Variants in MYO3B observed in about 807,000 individuals in gnomAD.
MYO3B encodes myosin IIIB, also known as myosin-IIIb.
Under a neutral mutation model 174.6 loss-of-function variants are expected in MYO3B, and 156 were observed. The ratio of observed to expected loss-of-function variants is 0.89; its 90% CI spans 0.78 to 1.02. The LOEUF is 1.02. Ranked by LOEUF, MYO3B falls within the 50% of genes least tolerant of loss-of-function variation. MYO3B has a pLI of 0.00. For missense variants in MYO3B, 1,632 were observed against 1,639.4 expected, an observed-to-expected ratio of 1.00 and a Z score of 0.08; for synonymous variants, 563 against 569.1, an observed-to-expected ratio of 0.99 and a Z score of 0.15.
intron 23 of MYO3B, among the ~76,000 whole-genome samples, chr2:170,445,589 C>T (rs2094835447): frequency 6.6e-6 from 1 of 152,130 alleles, no homozygotes; most frequent in Non-Finnish European, 1.5e-5. Context: ...GATCCGCCCA[C>T]CTGGGCCTCC....
At chr2:170,623,538 A>G (rs1421290064) in intron 32 of MYO3B, among the ~76,000 whole-genome samples, 1 of 152,078 alleles carries the variant, frequency 6.6e-6, no homozygotes, top group Non-Finnish European at 1.5e-5. Context: ...GTTCACTCTG[A>G]TGGTAGTTTC....
At chr2:170,500,871 G>C (rs2106082082) in intron 27 of MYO3B, among the ~76,000 whole-genome samples, 1 of 151,322 alleles carries the variant, frequency 6.6e-6, no homozygotes, top group South Asian at 2.2e-4. Context: ...GCCCTGCCTA[G>C]TCAGTGCCTC....
In MYO3B at chr2:170,608,572, A is replaced by T. The variant is rs74455498; in HGVS notation, c.3734-43056A>T. On this transcript the variant is annotated intron_variant, in intron 32 of 34. Coordinates refer to ENST00000408978, the MANE Select transcript of MYO3B (RefSeq NM_138995.5). ...GTTACCGTTTACATGTCCTTTGCAT[A>T]GATGTGCTCAGAACAACATCACCCA... Among the ~76,000 whole-genome samples, 1,036 of 152,120 alleles carry T rather than the reference A, an allele frequency of 6.8e-3. 20 individuals carry two copies. Among genetic ancestry groups the T allele is most frequent in the African/African-American group, 0.023 (970 of 41,456 alleles).
chr2:170,216,015 G>A (rs1429586969), intron 5 of MYO3B, among the ~76,000 whole-genome samples: 1 of 152,320 alleles, frequency 6.6e-6, no homozygotes, highest in East Asian at 1.9e-4. Context: ...AACCAGAAAG[G>A]TATAGTTGTT....
At chr2:170,431,144 C>T (rs925088008) in intron 22 of MYO3B, among the ~76,000 whole-genome samples, 1 of 152,016 alleles carries the variant, frequency 6.6e-6, no homozygotes, top group Non-Finnish European at 1.5e-5. Context: ...GGGTAGATGT[C>T]AGTAGTATAG....
chr2:170,467,688 T>A (rs1332210892), intron 25 of MYO3B, among the ~76,000 whole-genome samples: 1 of 152,084 alleles, frequency 6.6e-6, no homozygotes, highest in Non-Finnish European at 1.5e-5. Context: ...TCTTTTTACT[T>A]CCACTCTGAA....
intron 8 of MYO3B, among the ~76,000 whole-genome samples, chr2:170,349,052 C>T (rs2094039907): frequency 2.0e-5 from 3 of 152,170 alleles, no homozygotes. Context: ...TCATGCCCTA[C>T]TCATAATTAT....
At chr2:170,265,336 G>T (rs752623156) in intron 7 of MYO3B, among the ~76,000 whole-genome samples, 26 of 152,190 alleles carry the variant, frequency 1.7e-4, no homozygotes, top group Non-Finnish European at 3.1e-4. Context: ...TTTCAGAAAG[G>T]TTCTAAAAGA....
chr2:170,209,552 T>C (rs1017823516), intron 3 of MYO3B, among the ~76,000 whole-genome samples: 11 of 152,190 alleles, frequency 7.2e-5, no homozygotes, highest in African/African-American at 2.7e-4. Flanking sequence ...CAGAAACCTG[T>C]ATTTGAGAGC....
chr2:170,412,280 T>G (rs2094550945), intron 22 of MYO3B: 1 of 152,222 alleles, frequency 6.6e-6, no homozygotes, highest in Non-Finnish European at 1.5e-5. Flanking sequence ...AATTCATTTT[T>G]GTCTTTGAAT....
At chr2:170,333,159 G>A (rs1373539107) in intron 7 of MYO3B, among the ~76,000 whole-genome samples, 3 of 152,202 alleles carry the variant, frequency 2.0e-5, no homozygotes, top group Admixed American at 1.3e-4. Context: ...GGATACGGCT[G>A]TAGAGATGAT....
intron 6 of MYO3B, among the ~76,000 whole-genome samples, chr2:170,219,730 G>A (rs1038119347): frequency 1.3e-5 from 2 of 152,138 alleles, no homozygotes; most frequent in Non-Finnish European, 2.9e-5. Flanking sequence ...AGGACAGTTT[G>A]AGGACGGCTT....
intron 25 of MYO3B, among the ~76,000 whole-genome samples, chr2:170,472,098 C>T (rs562587348): frequency 5.3e-5 from 8 of 151,810 alleles, no homozygotes; most frequent in Non-Finnish European, 7.4e-5. Flanking sequence ...CCTTTTAAAA[C>T]GTTTTTTTTG....
At chr2:170,279,456 G>C (rs1052920880) in intron 7 of MYO3B, among the ~76,000 whole-genome samples, 3 of 137,110 alleles carry the variant, frequency 2.2e-5, no homozygotes, top group African/African-American at 8.2e-5. Flanking sequence ...TTTATCCTTT[G>C]TCCACTTAAA....
intron 7 of MYO3B, among the ~76,000 whole-genome samples, chr2:170,236,803 G>A (rs1448092790): frequency 6.6e-6 from 1 of 152,188 alleles, no homozygotes; most frequent in African/African-American, 2.4e-5. Flanking sequence ...CCCAACCAGG[G>A]TGCAGATTGA....
intron 32 of MYO3B, among the ~76,000 whole-genome samples, chr2:170,632,865 A>G (rs980298105): frequency 2.6e-5 from 4 of 152,178 alleles, no homozygotes; most frequent in African/African-American, 9.6e-5. Flanking sequence ...CCTCTATGCA[A>G]ATAAACTAGA....
Position 170,546,600 on chromosome 2 carries a change from A to G in MYO3B, c.3733+2612A>G, listed in dbSNP as rs576767397. 1.2e-4 allele frequency among the ~76,000 whole-genome samples: 19 copies of G among 152,360 alleles called. No individual in the cohort carries two copies. In the East Asian group the frequency reaches 2.3e-3, roughly 19 times the overall value. On this transcript the variant is annotated intron_variant, in intron 32 of 34. Coordinates refer to ENST00000408978, the MANE Select transcript of MYO3B (RefSeq NM_138995.5). The stretch of plus-strand genomic sequence containing the variant: ...AGACATGAAGACGTGAGAAAACACT[A>G]TATGTAAATCGAATTCCCCTTGATC...
intron 25 of MYO3B, among the ~76,000 whole-genome samples, chr2:170,497,443 T>C (rs962226218): frequency 7.7e-4 from 117 of 152,132 alleles, no homozygotes; most frequent in Non-Finnish European, 1.4e-3. Context: ...GGTGAAACTC[T>C]GTCTGTACTA....
At chr2:170,437,288 A>G (rs905440133) in intron 22 of MYO3B, among the ~76,000 whole-genome samples, 20 of 152,144 alleles carry the variant, frequency 1.3e-4, no homozygotes, top group Non-Finnish European at 2.8e-4. Flanking sequence ...CACTGTCCCA[A>G]AATATGGCCC....
Sources: allele counts gnomAD v4.1 joint callset (sites outside exome capture counted in the v4.1 genomes callset), GRCh38; gene constraint gnomAD v4.1.1; transcripts MANE v1.5; gene names NCBI Gene and HGNC (gene_info 2026-07-23, HGNC 2026-07-21).